CYRIB: variants seen among roughly 807,000 people sequenced by gnomAD.
CYRIB encodes the protein CYFIP-related Rac1 interactor B.
A neutral mutation model predicts 44.2 loss-of-function variants in CYRIB; 8 were observed. That is an observed-to-expected ratio of 0.18 (90% confidence interval 0.11 to 0.33). CYRIB has a LOEUF of 0.33. CYRIB is among the 10% of genes least tolerant of loss of function. The pLI, the probability that CYRIB is intolerant of heterozygous loss-of-function variation, is 1.00. For synonymous variants in CYRIB, 131 were observed against 127.2 expected (o/e 1.03, Z -0.20); for missense variants, 185 against 382.8 (o/e 0.48, Z 4.31).
At position 130,006,625 on chromosome 8, in the gene CYRIB, T is replaced by C. The variant is rs1412682998; in HGVS notation, c.-296+9745A>G. Among the ~76,000 whole-genome samples the C allele has an allele frequency of 9.8e-4, 69 of 70,240 alleles. 11 individuals carry two copies. Among genetic ancestry groups the C allele is most frequent in the East Asian group, 2.0e-3 (4 of 2,026 alleles). The allele number at this position is 70,240 out of a possible 152,430, so 46.1% of individuals were successfully genotyped here. A position where few individuals can be genotyped will look rare whatever the true frequency, so the allele number is the denominator to read the frequency against. The stretch of plus-strand genomic sequence containing the variant: ...ATATATACATATATATGTGTATATA[T>C]ATACATATATATGTGTATATATATA... On this transcript the variant is annotated intron_variant, in intron 1 of 14. Transcript: ENST00000401979.
At chr8:129,847,721 C>T (rs556100243) in intron 10 of CYRIB, among the ~76,000 whole-genome samples, 4 of 152,288 alleles carry the variant, frequency 2.6e-5, no homozygotes, top group African/African-American at 9.6e-5. Context: ...ATATATTAGC[C>T]TGGTTGTTAT....
At chr8:129,980,714 G>A (rs1247413917) in intron 1 of CYRIB, among the ~76,000 whole-genome samples, 1 of 152,006 alleles carries the variant, frequency 6.6e-6, no homozygotes, top group Non-Finnish European at 1.5e-5. Flanking sequence ...AGGCACAGTG[G>A]CTCACGCCTG....
intron 1 of CYRIB, among the ~76,000 whole-genome samples, chr8:129,930,354 T>G (rs2090497162): frequency 7.3e-6 from 1 of 136,422 alleles, no homozygotes; most frequent in Non-Finnish European, 1.6e-5. Flanking sequence ...CTAGGAAGAA[T>G]TGTGAAGTGC....
chr8:130,011,819 C>T (rs921828787), intron 1 of CYRIB, among the ~76,000 whole-genome samples: 19 of 151,594 alleles, frequency 1.3e-4, no homozygotes, highest in African/African-American at 4.1e-4. Context: ...GGCGACAGAG[C>T]GAGACTCCAT....
At chr8:129,923,601 T>C (rs2085288028) in intron 1 of CYRIB, among the ~76,000 whole-genome samples, 1 of 152,072 alleles carries the variant, frequency 6.6e-6, no homozygotes, top group African/African-American at 2.4e-5. Context: ...TCTTATTTCA[T>C]ACACTTCCCT....
chr8:129,983,473 A>G (rs1223711743), intron 1 of CYRIB, among the ~76,000 whole-genome samples: 2 of 152,022 alleles, frequency 1.3e-5, no homozygotes, highest in Non-Finnish European at 2.9e-5. Context: ...ATATATATAT[A>G]TGTATAAAAA....
chr8:129,924,938 G>C (rs138068123), intron 1 of CYRIB, among the ~76,000 whole-genome samples: 10 of 152,334 alleles, frequency 6.6e-5, no homozygotes, highest in Middle Eastern at 3.4e-3. Flanking sequence ...AAGATCTTTA[G>C]TATAATCGTC....
intron 1 of CYRIB, among the ~76,000 whole-genome samples, chr8:129,988,324 G>C (rs759022165): frequency 6.6e-6 from 1 of 152,152 alleles, no homozygotes; most frequent in East Asian, 1.9e-4. Flanking sequence ...TGCGCCCTGG[G>C]ACTGGGCCTG....
chr8:129,848,638 G>A (rs973915470), intron 10 of CYRIB, among the ~76,000 whole-genome samples: 1 of 152,120 alleles, frequency 6.6e-6, no homozygotes, highest in African/African-American at 2.4e-5. Context: ...TGTGATCGTG[G>A]CTCACTGCAG....
chr8:129,842,321 C>A, intron 11 of CYRIB, 116 bp from the exon 14 acceptor site: 1 of 716,988 alleles, frequency 1.4e-6, no homozygotes, highest in South Asian at 1.7e-5. Context: ...AAAATTATGG[C>A]TTCTCATTGT....
intron 2 of CYRIB, among the ~76,000 whole-genome samples, chr8:129,955,839 C>T (rs1214178651): frequency 6.6e-6 from 1 of 152,190 alleles, no homozygotes; most frequent in Non-Finnish European, 1.5e-5. Flanking sequence ...TAAACTCACC[C>T]TCAATTTATA....
chr8:130,010,330 G>A (rs912865854), intron 1 of CYRIB, among the ~76,000 whole-genome samples: 2 of 152,186 alleles, frequency 1.3e-5, no homozygotes, highest in African/African-American at 2.4e-5. Context: ...TGCAGAGGGT[G>A]GCACTGTGGA....
chr8:129,891,720 T>A (rs408398), intron 2 of CYRIB, among the ~76,000 whole-genome samples: 2,937 of 152,336 alleles, frequency 0.019, 43 homozygotes, highest in Non-Finnish European at 0.032. Context: ...ATAAAATGCG[T>A]GCCTTTATAC....
intron 1 of CYRIB, among the ~76,000 whole-genome samples, chr8:129,980,610 G>A (rs7837729): frequency 0.052 from 7,843 of 151,900 alleles, 200 homozygotes; most frequent in Middle Eastern, 0.071. Flanking sequence ...GTTGCAGTGA[G>A]CCAAGATTGT....
intron 1 of CYRIB, among the ~76,000 whole-genome samples, chr8:130,009,488 G>T (rs994816173): frequency 6.6e-6 from 1 of 152,034 alleles, no homozygotes; most frequent in African/African-American, 2.4e-5. Flanking sequence ...GGCTGGTCTT[G>T]AACTCCTGAC....
At chr8:129,845,808 T>C (rs1041561451) in intron 11 of CYRIB, among the ~76,000 whole-genome samples, 2 of 152,184 alleles carry the variant, frequency 1.3e-5, no homozygotes, top group African/African-American at 4.8e-5. Context: ...ACCAATTAAA[T>C]CTCTGTAGTC....
At chr8:129,900,797 A>G (rs951652552) in intron 2 of CYRIB, among the ~76,000 whole-genome samples, 3 of 151,974 alleles carry the variant, frequency 2.0e-5, no homozygotes, top group Admixed American at 2.0e-4. Context: ...CTCGTGCTTC[A>G]GCCTCCTGGG....
intron 1 of CYRIB, among the ~76,000 whole-genome samples, chr8:130,005,358 A>G (rs535060628): frequency 6.6e-6 from 1 of 152,292 alleles, no homozygotes; most frequent in Non-Finnish European, 1.5e-5. Context: ...CCTCCCAGGG[A>G]CAGGCTATCT....
At chr8:130,008,715 T>G (rs953714707) in intron 1 of CYRIB, among the ~76,000 whole-genome samples, 1 of 152,208 alleles carries the variant, frequency 6.6e-6, no homozygotes, top group African/African-American at 2.4e-5. Flanking sequence ...AATCTCCATT[T>G]GATTCTTTCA....
Sources: gnomAD v4.1 joint callset for allele counts (sites outside exome capture counted in the v4.1 genomes callset) on GRCh38, gnomAD v4.1.1 for gene constraint, MANE v1.5 for transcripts, NCBI Gene and HGNC (gene_info 2026-07-23, HGNC 2026-07-21) for gene names.